FAM162B: variants seen among roughly 807,000 people sequenced by gnomAD.
FAM162B encodes protein FAM162B.
Under a neutral mutation model 20.0 loss-of-function variants are expected in FAM162B, and 16 were observed. The observed-to-expected ratio is 0.80, with a 90% confidence interval of 0.54 to 1.21. The LOEUF (loss-of-function observed/expected upper bound fraction) is 1.21. FAM162B is among the 50% of genes most tolerant of loss of function. The pLI is 0.00. For synonymous variants in FAM162B, 83 were observed against 89.7 expected, an observed-to-expected ratio of 0.93 and a Z score of 0.42; for missense variants, 260 against 227.5, an observed-to-expected ratio of 1.14 and a Z score of -0.92.
At chr6:116,756,477 T>C (rs73557595) in intron 3 of FAM162B, among the ~76,000 whole-genome samples, 2,673 of 152,316 alleles carry the variant, frequency 0.018, 88 homozygotes, top group African/African-American at 0.06. Flanking sequence ...GGTGAAGATG[T>C]TGTGAACATT....
chr6:116,765,041 A>T, intron 2 of FAM162B, 106 bp downstream of exon 2: 1 of 1,003,814 alleles, frequency 1.0e-6, no homozygotes, highest in Non-Finnish European at 1.6e-6. Context: ...AAGTGTTGGC[A>T]CTGCGGCCGC....
rs534743544 is a variant in FAM162B, at chr6:116,752,757, T to C, written c.391-62A>G. 4.3e-4 allele frequency: 202 copies of C among 466,942 alleles called. 1 individual carries two copies. The highest frequency in any genetic ancestry group is 3.9e-3 in the African/African-American group (173 of 44,194). 28.9% of individuals were successfully genotyped at this position (466,942 alleles called of 1,614,324 possible). ...ATAGATACACGTATATATATATATA[T>C]ACATATATGTATATATATCTCACTG... On this transcript the variant is annotated intron_variant, in intron 3 of 3. Coordinates refer to ENST00000368557, the MANE Select transcript of FAM162B (RefSeq NM_001085480.3).
chr6:116,765,406 G>T lies in FAM162B; in HGVS notation c.171C>A (p.His57Gln). ...CTCCCCGTCGGAGCCCTGGCTCACC[G>T]TGACCTTGGGGCCCAGAATTGCTGG... The part of the protein sequence containing the change: ...GAPSNSGPQG[H>Q]GEIHRVPTQR... The change falls in exon 1 of 4, where the codon CAC (histidine) becomes CAA (glutamine). Residue 57 changes from histidine to glutamine, a missense_variant and splice_region_variant. His to Gln is a conservative substitution (Grantham distance 24). Transcript: ENST00000368557. The T allele has an allele frequency of 6.8e-7, 1 of 1,465,402 alleles. No homozygotes were observed. The highest frequency in any genetic ancestry group is 9.0e-7 in the Non-Finnish European group (1 of 1,106,444). 90.8% of individuals were successfully genotyped at this position (1,465,402 alleles called of 1,614,324 possible).
chr6:116,764,206 CCA>C (rs1401458044), intron 2 of FAM162B, among the ~76,000 whole-genome samples: 1 of 152,022 alleles, frequency 6.6e-6, no homozygotes, highest in Non-Finnish European at 1.5e-5. Flanking sequence ...AAATATAGGC[CCA>C]GTTTCCATTA....
intron 3 of FAM162B, among the ~76,000 whole-genome samples, chr6:116,759,247 C>T (rs1780091820): frequency 6.7e-6 from 1 of 149,760 alleles, no homozygotes; most frequent in Admixed American, 6.6e-5. Flanking sequence ...CGTGCCTTAC[C>T]TTTTTTGTTT....
chr6:116,758,074 T>C (rs1166583741), intron 3 of FAM162B, among the ~76,000 whole-genome samples: 1 of 152,000 alleles, frequency 6.6e-6, no homozygotes, highest in Non-Finnish European at 1.5e-5. Context: ...GACGAGCAAA[T>C]AAACCTGAGA....
At chr6:116,759,881 T>C (rs1392078949) in intron 3 of FAM162B, among the ~76,000 whole-genome samples, 2 of 152,042 alleles carry the variant, frequency 1.3e-5, no homozygotes, top group Non-Finnish European at 2.9e-5. Flanking sequence ...GTTCTTTCCT[T>C]CCCCCGGTCT....
At chr6:116,754,188 G>C (rs746451491) in intron 3 of FAM162B, among the ~76,000 whole-genome samples, 2 of 152,188 alleles carry the variant, frequency 1.3e-5, no homozygotes, top group Non-Finnish European at 2.9e-5. Context: ...CTGTAGAGGA[G>C]TGGCTTTGAA....
intron 3 of FAM162B, among the ~76,000 whole-genome samples, chr6:116,757,890 C>T (rs1044175431): frequency 2.6e-5 from 4 of 151,862 alleles, no homozygotes; most frequent in Admixed American, 1.3e-4. Flanking sequence ...CCTGATCAGA[C>T]GGAATGAGAC....
At chr6:116,758,169 T>A (rs1299692036) in intron 3 of FAM162B, among the ~76,000 whole-genome samples, 1 of 152,138 alleles carries the variant, frequency 6.6e-6, no homozygotes, top group East Asian at 1.9e-4. Flanking sequence ...GCAAGAATCA[T>A]TTACAATAGG....
At chr6:116,756,953 A>G (rs1346302933) in intron 3 of FAM162B, among the ~76,000 whole-genome samples, 1 of 152,250 alleles carries the variant, frequency 6.6e-6, no homozygotes, top group East Asian at 1.9e-4. Context: ...AGATATTAAT[A>G]AATAAGAATG....
intron 2 of FAM162B, among the ~76,000 whole-genome samples, chr6:116,764,866 T>C (rs1405582088): frequency 6.6e-6 from 1 of 152,170 alleles, no homozygotes; most frequent in Non-Finnish European, 1.5e-5. Flanking sequence ...AGTTCGGAGC[T>C]TGCTGGGGAC....
At position 116,764,857 on chromosome 6, in the gene FAM162B, G is replaced by T. The variant is rs140409787; in HGVS notation, c.281+290C>A. 1.2e-4 allele frequency among the ~76,000 whole-genome samples: 18 copies of T among 152,312 alleles called. No individual in the cohort carries two copies. In the East Asian group the frequency reaches 3.5e-3, roughly 29 times the overall value. On this transcript the variant is annotated intron_variant, in intron 2 of 3. Transcript: ENST00000368557. ...GGCACAAGAGCCCCACTGCCTCCCA[G>T]TTCGGAGCTTGCTGGGGACCGGCAA...
intron 2 of FAM162B, 102 bp downstream of exon 2, chr6:116,765,045 C>A (rs778294373): frequency 2.8e-6 from 3 of 1,053,962 alleles, no homozygotes; most frequent in East Asian, 2.4e-5. Context: ...GTTGGCACTG[C>A]GGCCGCTTTC....
chr6:116,765,189 G>C lies in FAM162B; in HGVS notation c.239C>G (p.Thr80Arg), dbSNP rs1417974400. 1 of 1,613,898 alleles carries C rather than the reference G, an allele frequency of 6.2e-7. No homozygotes were observed. The highest frequency in any genetic ancestry group is 1.1e-5 in the South Asian group (1 of 91,088). ...CTCCTCCATCGATTTGAAACGCCCTGTCCACAGCAGGATTTTCTTGTCGAA... is the reference window on the plus strand; with the variant it reads ...CTCCTCCATCGATTTGAAACGCCCTCTCCACAGCAGGATTTTCTTGTCGAA... Reference protein sequence around the residue: ...SQFDKKILLWTGRFKSMEEIP... With the variant: ...SQFDKKILLWRGRFKSMEEIP... Residue 80 changes from threonine to arginine, a missense_variant, in exon 2 of 4, where the codon ACA becomes AGA. Transcript: ENST00000368557.
Position 116,765,446 on chromosome 6 carries a change from G to T in FAM162B, c.131C>A (p.Ser44Tyr). Residue 44 changes from serine (S) to tyrosine (Y), a missense_variant, in exon 1 of 4, where the codon TCC becomes TAC. Physicochemically the swap from Ser to Tyr is moderately radical, Grantham distance 144. Transcript: ENST00000368557. ...AGAATTGCTGGGGGCCCCGCCGCTGGAGTAGCAGGGGAGACCCCGGGGCGG... is the reference window on the plus strand; with the variant it reads ...AGAATTGCTGGGGGCCCCGCCGCTGTAGTAGCAGGGGAGACCCCGGGGCGG... The part of the protein sequence containing the change: ...ALPPRGLPCY[S>Y]SGGAPSNSGP... The T allele has an allele frequency of 6.9e-7, 1 of 1,448,496 alleles. No homozygotes were observed. Among genetic ancestry groups the T allele is most frequent in the African/African-American group, 1.4e-5 (1 of 69,276 alleles). 89.7% of individuals were successfully genotyped at this position (1,448,496 alleles called of 1,614,324 possible). A position where few individuals can be genotyped will look rare whatever the true frequency, so the allele number is the denominator to read the frequency against.
intron 3 of FAM162B, among the ~76,000 whole-genome samples, chr6:116,754,015 T>C (rs979572995): frequency 1.3e-5 from 2 of 152,196 alleles, no homozygotes; most frequent in South Asian, 4.1e-4. Flanking sequence ...GGAAGGACAA[T>C]GGCTAGTTTG....
intron 3 of FAM162B, among the ~76,000 whole-genome samples, chr6:116,755,391 T>A (rs1158504272): frequency 6.6e-6 from 1 of 151,936 alleles, no homozygotes; most frequent in Non-Finnish European, 1.5e-5. Context: ...CTGTCTTCAG[T>A]TCTGTGAAGG....
chr6:116,764,144 A>G (rs946806257), intron 2 of FAM162B, among the ~76,000 whole-genome samples: 1 of 152,232 alleles, frequency 6.6e-6, no homozygotes, highest in East Asian at 1.9e-4. Context: ...GGTAACTGAT[A>G]AACTGCAATT....
Sources: gnomAD v4.1 joint callset for allele counts (sites outside exome capture counted in the v4.1 genomes callset) on GRCh38, gnomAD v4.1.1 for gene constraint, MANE v1.5 for transcripts, NCBI Gene and HGNC (gene_info 2026-07-23, HGNC 2026-07-21) for gene names.